MYOM2: variants seen among roughly 807,000 people sequenced by gnomAD.
The protein encoded by MYOM2 is myomesin-2.
In MYOM2, 254 loss-of-function variants were observed where a neutral mutation model predicts 187.6. The observed-to-expected ratio is 1.35, with a 90% confidence interval of 1.22 to 1.50. The LOEUF (loss-of-function observed/expected upper bound fraction) is 1.50. Among genes scored for constraint, MYOM2 ranks in the 40% most tolerant of loss-of-function variants. The probability of loss-of-function intolerance (pLI) is 0.00; values close to 1 mark genes in which losing one functional copy is unlikely to be tolerated. For synonymous variants in MYOM2, 981 were observed against 753.8 expected (o/e 1.30, Z -4.94); for missense variants, 2,796 against 1,924.0 (o/e 1.45, Z -8.48).
chr8:2,055,868 GA>G (rs1443137905), intron 3 of MYOM2, among the ~76,000 whole-genome samples: 1 of 152,162 alleles, frequency 6.6e-6, no homozygotes, highest in Non-Finnish European at 1.5e-5. Context: ...CCGATACCGG[GA>G]CTTTCTGTGC....
chr8:2,090,245 C>T, intron 15 of MYOM2, 54 bp downstream of exon 15: 3 of 1,524,778 alleles, frequency 2.0e-6, no homozygotes, highest in Non-Finnish European at 1.8e-6. Context: ...AGTGGGGTGA[C>T]ACCAAATAGC....
rs572876662 is a variant in MYOM2, at chr8:2,064,508, C to T, written c.654-4770C>T. Reference sequence around the variant, plus strand: ...GGTTTCTTTACAGAAGGAAGGAGAGCGCTCTCTTCGGAGAGCCCACGTGTT... The same window carrying T: ...GGTTTCTTTACAGAAGGAAGGAGAGTGCTCTCTTCGGAGAGCCCACGTGTT... On this transcript the variant is annotated intron_variant, in intron 6 of 36. Coordinates refer to ENST00000262113, the MANE Select transcript of MYOM2 (RefSeq NM_003970.4). Among the ~76,000 whole-genome samples, 10 of 57,174 alleles carry T rather than the reference C, an allele frequency of 1.7e-4. 1 individual carries two copies. In the East Asian group the frequency reaches 0.033, roughly 191 times the overall value. The allele number at this position is 57,174 out of a possible 152,430, so 37.5% of individuals were successfully genotyped here. A position where few individuals can be genotyped will look rare whatever the true frequency, so the allele number is the denominator to read the frequency against.
intron 5 of MYOM2, 71 bp from the exon 6 acceptor site, chr8:2,059,082 G>A (rs1818766777): frequency 7.6e-7 from 1 of 1,320,760 alleles, no homozygotes; most frequent in Admixed American, 1.8e-5. Context: ...GCGCGGGGGA[G>A]CTGGGGCAGA....
In MYOM2 at chr8:2,086,340, GTTGTGA is replaced by G. The variant is rs1796048671; in HGVS notation, c.1644+952_1644+957del. Among the ~76,000 whole-genome samples, 38 of 92,934 alleles carry G rather than the reference GTTGTGA, an allele frequency of 4.1e-4. 14 individuals carry two copies. The highest frequency in any genetic ancestry group is 1.9e-3 in the Admixed American group (16 of 8,270). 61.0% of individuals were successfully genotyped at this position (92,934 alleles called of 152,430 possible). A position where few individuals can be genotyped will look rare whatever the true frequency, so the allele number is the denominator to read the frequency against. The stretch of plus-strand genomic sequence containing the variant: ...CGTGATCTCTGCGTGGCCCCCCACT[GTTGTGA>G]TCTCTGCGTGGCCTCCCACTGTTGT... On this transcript the variant is annotated intron_variant, in intron 14 of 36. Transcript: ENST00000262113.
intron 15 of MYOM2, among the ~76,000 whole-genome samples, chr8:2,090,637 G>C (rs947332826): frequency 2.6e-5 from 4 of 152,042 alleles, no homozygotes; most frequent in African/African-American, 9.7e-5. Flanking sequence ...TAGACCCTCT[G>C]ATAGTCCCCC....
intron 6 of MYOM2, among the ~76,000 whole-genome samples, chr8:2,060,656 A>G (rs192905722): frequency 7.9e-5 from 12 of 152,332 alleles, no homozygotes; most frequent in African/African-American, 2.6e-4. Flanking sequence ...GAGGGAGCTC[A>G]GAGGAGCTCA....
intron 25 of MYOM2, among the ~76,000 whole-genome samples, chr8:2,111,645 C>T (rs1797071212): frequency 6.6e-6 from 1 of 152,184 alleles, no homozygotes; most frequent in Non-Finnish European, 1.5e-5. Flanking sequence ...ACGGTGTATC[C>T]ACTGGAATCT....
intron 3 of MYOM2, among the ~76,000 whole-genome samples, chr8:2,054,920 C>T (rs1443068309): frequency 8.1e-6 from 1 of 123,748 alleles, no homozygotes; most frequent in East Asian, 2.3e-4. Context: ...TACTGGGGAA[C>T]CAAGTACCTG....
chr8:2,141,166 C>A lies in MYOM2; in HGVS notation c.3990C>A (p.Phe1330Leu), dbSNP rs1798261364. ...CTTTTGATGAAGCATTTGCAGAATTCCAGCAATTCAAGTAAGATTTGTGTA... is the reference window on the plus strand; with the variant it reads ...CTTTTGATGAAGCATTTGCAGAATTACAGCAATTCAAGTAAGATTTGTGTA... ...GQAFDEAFAE[F>L]QQFKAAAFAE... Residue 1330 changes from phenylalanine to leucine, a missense_variant, in exon 34 of 37, where the codon TTC becomes TTA. Physicochemically the swap from Phe to Leu is conservative, Grantham distance 22. Transcript: ENST00000262113. 2 of 1,611,820 alleles carry A rather than the reference C, an allele frequency of 1.2e-6. No homozygotes were observed. Among genetic ancestry groups the A allele is most frequent in the Non-Finnish European group, 1.7e-6 (2 of 1,178,446 alleles).
At chr8:2,057,819 C>T (rs757665314) in intron 5 of MYOM2, 39 bp downstream of exon 5, 15 of 1,594,286 alleles carry the variant, frequency 9.4e-6, no homozygotes, top group Non-Finnish European at 1.3e-5. Flanking sequence ...GAAGTCCATT[C>T]TGCGTTTTCT....
intron 9 of MYOM2, 60 bp downstream of exon 9, chr8:2,072,569 C>G: frequency 1.9e-6 from 3 of 1,548,034 alleles, no homozygotes; most frequent in South Asian, 2.4e-5. Flanking sequence ...CGGAAATGTC[C>G]TTTAAATGTG....
At chr8:2,093,889 G>C in intron 16 of MYOM2, 81 bp from the exon 17 acceptor site, 1 of 1,557,318 alleles carries the variant, frequency 6.4e-7, no homozygotes, top group Non-Finnish European at 8.7e-7. Flanking sequence ...TTTATGGCGC[G>C]TTCAGGGTGA....
rs565517671 is a variant in MYOM2, at chr8:2,144,936, C to T, written c.4353C>T (p.Ala1451=). 2.5e-6 allele frequency: 4 copies of T among 1,614,100 alleles called. No homozygotes were observed. In the East Asian group the frequency reaches 8.9e-5, roughly 36 times the overall value. Residue 1451 remains alanine (A), a synonymous_variant, in exon 37 of 37, where the codon GCC becomes GCT. Coordinates refer to ENST00000262113, the MANE Select transcript of MYOM2 (RefSeq NM_003970.4). ...KIPDMAPPQQ[A]KPKLIPASAS... is the part of the protein sequence containing the mutation. ...CGGACATGGCCCCGCCCCAGCAAGCCAAGCCCAAGCTCATCCCCGCGTCTG... is the reference window on the plus strand; with the variant it reads ...CGGACATGGCCCCGCCCCAGCAAGCTAAGCCCAAGCTCATCCCCGCGTCTG...
chr8:2,100,080 T>TTC (rs1796637954), intron 19 of MYOM2, among the ~76,000 whole-genome samples: 3 of 35,452 alleles, frequency 8.5e-5, no homozygotes, highest in Non-Finnish European at 1.8e-4. Context: ...TTCCTTCCTT[T>TTC]CTTCTTTCCT....
chr8:2,050,955 C>A (rs1818465173), intron 2 of MYOM2, 82 bp downstream of exon 2: 3 of 1,104,346 alleles, frequency 2.7e-6, no homozygotes, highest in South Asian at 1.4e-5. Flanking sequence ...GTTCCGTCAG[C>A]CCTGGAGAGG....
intron 32 of MYOM2, among the ~76,000 whole-genome samples, chr8:2,131,356 C>G (rs574524937): frequency 5.9e-5 from 9 of 152,182 alleles, no homozygotes; most frequent in African/African-American, 2.2e-4. Context: ...CACGCCCCTA[C>G]TAAGTGAAAG....
chr8:2,056,938 T>C (rs1485245973), intron 3 of MYOM2, among the ~76,000 whole-genome samples: 1 of 152,194 alleles, frequency 6.6e-6, no homozygotes, highest in African/African-American at 2.4e-5. Context: ...TGAGTAACAA[T>C]GTCTCTGTTT....
intron 32 of MYOM2, among the ~76,000 whole-genome samples, chr8:2,139,793 A>G (rs1798212658): frequency 6.6e-6 from 1 of 152,218 alleles, no homozygotes; most frequent in African/African-American, 2.4e-5. Context: ...ATGTTAGGAA[A>G]TAACTTATAC....
At chr8:2,089,211 A>AAAAT (rs1796204139) in intron 14 of MYOM2, among the ~76,000 whole-genome samples, 2 of 14,814 alleles carry the variant, frequency 1.4e-4, no homozygotes, top group Non-Finnish European at 4.0e-4. Flanking sequence ...GTGAAAAAAT[A>AAAAT]AGATAAAACA....
Sources: allele counts gnomAD v4.1 joint callset (sites outside exome capture counted in the v4.1 genomes callset), GRCh38; gene constraint gnomAD v4.1.1; transcripts MANE v1.5; gene names NCBI Gene and HGNC (gene_info 2026-07-23, HGNC 2026-07-21).